Variants in TMOD3 observed in about 807,000 individuals in gnomAD.
The protein encoded by TMOD3 is tropomodulin 3.
Under a neutral mutation model 39.2 loss-of-function variants are expected in TMOD3, and 20 were observed. That is an observed-to-expected ratio of 0.51 (90% CI 0.36 to 0.74). TMOD3 has a LOEUF of 0.74. Among genes scored for constraint, TMOD3 ranks in the 30% least tolerant of loss-of-function variants. The pLI, the probability that TMOD3 is intolerant of heterozygous loss-of-function variation, is 0.00. For synonymous variants in TMOD3, 143 were observed against 145.8 expected, an observed-to-expected ratio of 0.98 and a Z score of 0.14; for missense variants, 381 against 412.8, an observed-to-expected ratio of 0.92 and a Z score of 0.67.
intron 1 of TMOD3, among the ~76,000 whole-genome samples, chr15:51,838,074 A>G (rs183494188): frequency 6.6e-6 from 1 of 152,306 alleles, no homozygotes; most frequent in African/African-American, 2.4e-5. Flanking sequence ...ATGGAGGCGT[A>G]CTTACTTCTG....
At position 51,840,278 on chromosome 15, in the gene TMOD3, C is replaced by A. The variant is rs2554351; in HGVS notation, c.-75+10442C>A. 2.3e-4 allele frequency among the ~76,000 whole-genome samples: 35 copies of A among 152,188 alleles called. No homozygotes were observed. In the Middle Eastern group the frequency reaches 0.014, roughly 59 times the overall value. ...TAGTTTCCAACTCTCTCAGTCTCTG[C>A]GCTTAATTGCTTATGTTATGTGGAT... is the stretch of plus-strand genomic sequence containing the variant. On this transcript the variant is annotated intron_variant, in intron 1 of 9. Coordinates refer to ENST00000308580, the MANE Select transcript of TMOD3 (RefSeq NM_014547.5).
At chr15:51,896,274 T>C in intron 6 of TMOD3, 145 bp from the exon 7 acceptor site, 1 of 589,254 alleles carries the variant, frequency 1.7e-6, no homozygotes. Context: ...GCTGCATTAT[T>C]TGTATTCATT....
chr15:51,868,323 G>T (rs1049913235), intron 2 of TMOD3, among the ~76,000 whole-genome samples: 1 of 152,086 alleles, frequency 6.6e-6, no homozygotes, highest in Non-Finnish European at 1.5e-5. Flanking sequence ...AACGTTTTAA[G>T]TTCAGGGATA....
At chr15:51,831,294 G>A (rs1237312537) in intron 1 of TMOD3, among the ~76,000 whole-genome samples, 1 of 152,124 alleles carries the variant, frequency 6.6e-6, no homozygotes, top group East Asian at 1.9e-4. Flanking sequence ...AACTTCATCT[G>A]AAATTAAATA....
intron 1 of TMOD3, among the ~76,000 whole-genome samples, chr15:51,841,556 G>A (rs1487984935): frequency 1.3e-5 from 2 of 152,176 alleles, no homozygotes; most frequent in East Asian, 3.9e-4. Context: ...ATGTCCTGGA[G>A]ACTGTGAACC....
Position 51,877,402 on chromosome 15 carries a change from A to G in TMOD3, c.283+8029A>G, listed in dbSNP as rs570878855. Among the ~76,000 whole-genome samples the G allele has an allele frequency of 1.2e-4, 18 of 152,210 alleles. No individual in the cohort carries two copies. In the South Asian group the frequency reaches 3.3e-3, roughly 28 times the overall value. On this transcript the variant is annotated intron_variant, in intron 3 of 9. Coordinates refer to ENST00000308580, the MANE Select transcript of TMOD3 (RefSeq NM_014547.5). Reference sequence around the variant, plus strand: ...GCTTTTAAGATTTGTTAGGTGGGCCAGGCACGGTGGCTCACGCCTGTAATC... The same window carrying G: ...GCTTTTAAGATTTGTTAGGTGGGCCGGGCACGGTGGCTCACGCCTGTAATC...
intron 5 of TMOD3, among the ~76,000 whole-genome samples, chr15:51,891,490 T>A (rs539281235): frequency 3.3e-5 from 5 of 152,202 alleles, no homozygotes; most frequent in Non-Finnish European, 7.3e-5. Flanking sequence ...AGTCTAATCC[T>A]TCCTCTTTGG....
intron 1 of TMOD3, among the ~76,000 whole-genome samples, chr15:51,859,016 T>A (rs530738930): frequency 1.7e-4 from 26 of 152,320 alleles, no homozygotes; most frequent in African/African-American, 4.3e-4. Context: ...AATCTTTTTT[T>A]AAATTTTTTA....
At chr15:51,870,042 G>A (rs758914568) in intron 3 of TMOD3, among the ~76,000 whole-genome samples, 3 of 152,074 alleles carry the variant, frequency 2.0e-5, no homozygotes, top group Non-Finnish European at 2.9e-5. Context: ...GGGTTTAAGC[G>A]ATTCTCCTGT....
intron 3 of TMOD3, among the ~76,000 whole-genome samples, chr15:51,872,485 C>T (rs2056480110): frequency 6.6e-6 from 1 of 151,932 alleles, no homozygotes; most frequent in Non-Finnish European, 1.5e-5. Flanking sequence ...TAATTACCAA[C>T]ATAGTGTCTA....
At position 51,910,778 on chromosome 15, in the gene TMOD3, G is replaced by C. The variant is rs1156367579; in HGVS notation, c.*1968G>C. ...TTGTTTTGGTTTGTTTTGGTTTTTT[G>C]GTTTTGTTTTGTTTTGTTTTTTAAA... On this transcript the variant is annotated 3_prime_UTR_variant, in exon 10 of 10. Coordinates refer to ENST00000308580, the MANE Select transcript of TMOD3 (RefSeq NM_014547.5). 6.8e-6 allele frequency: 1 copy of C among 147,046 alleles called. No homozygotes were observed. Among genetic ancestry groups the C allele is most frequent in the Non-Finnish European group, 1.5e-5 (1 of 66,578 alleles). The allele number at this position is 147,046 out of a possible 1,614,324, so 9.1% of individuals were successfully genotyped here. A position where few individuals can be genotyped will look rare whatever the true frequency, so the allele number is the denominator to read the frequency against.
intron 1 of TMOD3, among the ~76,000 whole-genome samples, chr15:51,846,302 G>A (rs1209979181): frequency 6.6e-6 from 1 of 152,054 alleles, no homozygotes; most frequent in African/African-American, 2.4e-5. Context: ...CTACACTTTA[G>A]CCTGGGTAAC....
intron 5 of TMOD3, among the ~76,000 whole-genome samples, chr15:51,891,277 T>G (rs2056592093): frequency 6.6e-6 from 1 of 152,042 alleles, no homozygotes; most frequent in Non-Finnish European, 1.5e-5. Flanking sequence ...CATTTATTTT[T>G]TAAGAAACTG....
At chr15:51,840,134 G>A (rs2056306094) in intron 1 of TMOD3, among the ~76,000 whole-genome samples, 1 of 152,198 alleles carries the variant, frequency 6.6e-6, no homozygotes, top group Admixed American at 6.5e-5. Flanking sequence ...GAGACATGGA[G>A]ACTGATTATG....
chr15:51,834,583 C>T (rs1420981391), intron 1 of TMOD3, among the ~76,000 whole-genome samples: 1 of 152,122 alleles, frequency 6.6e-6, no homozygotes, highest in South Asian at 2.1e-4. Context: ...GTAATCCCAG[C>T]GCTTTGGGAG....
chr15:51,877,680 TAA>T (rs879610786), intron 3 of TMOD3, among the ~76,000 whole-genome samples: 24 of 136,992 alleles, frequency 1.8e-4, no homozygotes, highest in East Asian at 2.1e-4. Flanking sequence ...AACTCTGTCT[TAA>T]AAAAAAAAAA....
rs12439960 is a variant in TMOD3 at position 51,879,494 on chromosome 15, A to G, written c.284-8095A>G. Among the ~76,000 whole-genome samples, 172 of 152,142 alleles carry G rather than the reference A, an allele frequency of 1.1e-3. 1 individual carries two copies. The South Asian group carries it at 0.013, about 12-fold the overall frequency. On this transcript the variant is annotated intron_variant, in intron 3 of 9. Coordinates refer to ENST00000308580, the MANE Select transcript of TMOD3 (RefSeq NM_014547.5). ...ATTACAGTCATTTAGATAGAATGCT[A>G]TCTACTGAAAGGTAAAAATGTTTTC...
intron 1 of TMOD3, among the ~76,000 whole-genome samples, chr15:51,830,443 C>T (rs1380020381): frequency 6.6e-6 from 1 of 152,200 alleles, no homozygotes; most frequent in Non-Finnish European, 1.5e-5. Context: ...TATATTTTTG[C>T]TTGCGGGGGA....
chr15:51,848,433 C>G (rs1286731844), intron 1 of TMOD3, among the ~76,000 whole-genome samples: 6 of 152,126 alleles, frequency 3.9e-5, no homozygotes, highest in African/African-American at 1.4e-4. Context: ...TTCAAACCAG[C>G]AGAGATGAAA....
Sources: allele counts gnomAD v4.1 joint callset (sites outside exome capture counted in the v4.1 genomes callset), GRCh38; gene constraint gnomAD v4.1.1; transcripts MANE v1.5; gene names NCBI Gene and HGNC (gene_info 2026-07-23, HGNC 2026-07-21).